PROB1: variants seen among roughly 807,000 people sequenced by gnomAD.
The protein encoded by PROB1 is proline-rich basic protein 1.
For missense variants in PROB1, 1,453 were observed against 1,485.7 expected (o/e 0.98, Z 0.36); for synonymous variants, 660 against 699.3 (o/e 0.94, Z 0.89).
Position 139,393,810 on chromosome 5 carries a change from C to T in PROB1, c.1272G>A (p.Arg424=). 6.4e-7 allele frequency: 1 copy of T among 1,551,418 alleles called. No homozygotes were observed. The highest frequency in any genetic ancestry group is 8.7e-7 in the Non-Finnish European group (1 of 1,146,964). ...NLSPWDRTTR[R]VSSPLFPEAS... is the part of the protein sequence containing the mutation. ...CTTCAGGGAACAATGGGCTACTCAC[C>T]CTCCGAGTAGTCCGATCCCACGGGG... Residue 424 remains arginine, a synonymous_variant, in exon 1 of 1, where the codon AGG becomes AGA. Coordinates refer to ENST00000434752, the MANE Select transcript of PROB1 (RefSeq NM_001161546.2).
At position 139,392,817 on chromosome 5, in the gene PROB1, G is replaced by T. The variant is rs1362411621; in HGVS notation, c.2265C>A (p.Gly755=). The change falls in exon 1 of 1, where the codon GGC becomes GGA. Residue 755 remains glycine (G), a synonymous_variant. Transcript: ENST00000434752. The surrounding 1 kb of genome is among the most constrained non-coding windows in gnomAD (Gnocchi z 5.8). ...CTACATCCCTGTTCTCTCCTCCAGG[G>T]CCGCGCGCTCGCACTCGCGAGGTTA... The part of the protein sequence containing the change: ...PEVTSRVRAR[G]PGGENRDVEA... 7 of 1,516,568 alleles carry T rather than the reference G, an allele frequency of 4.6e-6. No homozygotes were observed. The Admixed American group carries it at 1.3e-4, about 28-fold the overall frequency. 93.9% of individuals were successfully genotyped at this position (1,516,568 alleles called of 1,614,324 possible). A position where few individuals can be genotyped will look rare whatever the true frequency, so the allele number is the denominator to read the frequency against.
Position 139,393,239 on chromosome 5 carries a change from C to T in PROB1, c.1843G>A (p.Gly615Arg), listed in dbSNP as rs912228807. The T allele has an allele frequency of 6.5e-7, 1 of 1,549,144 alleles. No individual in the cohort carries two copies. The highest frequency in any genetic ancestry group is 2.0e-5 in the Admixed American group (1 of 51,004). ...CGCGGAATGGCCATGCGCGGGCGTC[C>T]CGAGGCCGCCTCTCCAGGACCCAAG... ...EVLGPGEAAS[G>R]RPRMAIPRPR... The change falls in exon 1 of 1, where the codon GGA becomes AGA. Residue 615 changes from glycine to arginine, a missense_variant. Coordinates refer to ENST00000434752, the MANE Select transcript of PROB1 (RefSeq NM_001161546.2).
In PROB1 at chr5:139,393,045, G is replaced by A. The variant is rs1043497933; in HGVS notation, c.2037C>T (p.Tyr679=). ...PALGPPAPAH[Y]TSVFIKDFLP... ...GAAAATCCTTGATGAAAACGGAAGTGTAGTGAGCCGGGGCGGGGGGCCCCA... is the reference window on the plus strand; with the variant it reads ...GAAAATCCTTGATGAAAACGGAAGTATAGTGAGCCGGGGCGGGGGGCCCCA... Residue 679 remains tyrosine, a synonymous_variant, in exon 1 of 1, where the codon TAC becomes TAT. Coordinates refer to ENST00000434752, the MANE Select transcript of PROB1 (RefSeq NM_001161546.2). The A allele has an allele frequency of 6.5e-7, 1 of 1,533,216 alleles. No homozygotes were observed. The highest frequency in any genetic ancestry group is 8.8e-7 in the Non-Finnish European group (1 of 1,138,220). 95.0% of individuals were successfully genotyped at this position (1,533,216 alleles called of 1,614,324 possible). A position where few individuals can be genotyped will look rare whatever the true frequency, so the allele number is the denominator to read the frequency against.
In PROB1 at chr5:139,393,321, G is replaced by A; in HGVS notation, c.1761C>T (p.Pro587=). Reference sequence around the variant, plus strand: ...CCACAGGGTGGCTGCCGGGCGGCTCGGGTGCTGCTACCTCTGGGGACTGCT... The same window carrying A: ...CCACAGGGTGGCTGCCGGGCGGCTCAGGTGCTGCTACCTCTGGGGACTGCT... ...GSQQSPEVAA[P]EPPGSHPVGT... Residue 587 remains proline (P), a synonymous_variant, in exon 1 of 1, where the codon CCC becomes CCT. Transcript: ENST00000434752. 1 of 1,550,904 alleles carries A rather than the reference G, an allele frequency of 6.4e-7. No individual in the cohort carries two copies. Among genetic ancestry groups the A allele is most frequent in the Non-Finnish European group, 8.7e-7 (1 of 1,146,992 alleles).
chr5:139,394,824 CGA>C lies in PROB1; in HGVS notation c.256_257del (p.Ser86GlyfsTer194), dbSNP rs1758667234. On this transcript the variant is annotated frameshift_variant, in exon 1 of 1. Transcript: ENST00000434752. LOFTEE classifies it low-confidence loss of function (END_TRUNC). ...CGGAACCTGGGCCTCGCGGGAAACC[CGA>C]GCCGGGCCCGTGCCGCTGGCGGCTA... ...QNSRQRHGPGSGFPRGPGSGP... is the reference protein window; with the variant it reads ...QNSRQRHGPGXGFPRGPGSGP... 6.5e-7 allele frequency: 1 copy of C among 1,529,850 alleles called. No homozygotes were observed. 94.8% of individuals were successfully genotyped at this position (1,529,850 alleles called of 1,614,324 possible).
chr5:139,395,027 T>C lies in PROB1; in HGVS notation c.55A>G (p.Thr19Ala). 1.4e-6 allele frequency: 2 copies of C among 1,440,872 alleles called. No individual in the cohort carries two copies. The highest frequency in any genetic ancestry group is 2.9e-5 in the South Asian group (2 of 69,478). 89.3% of individuals were successfully genotyped at this position (1,440,872 alleles called of 1,614,324 possible). A position where few individuals can be genotyped will look rare whatever the true frequency, so the allele number is the denominator to read the frequency against. ...ALPGIPRQLP[T>A]APARRQDSSG... ...GAGTCCTGGCGCCGCGCGGGGGCCG[T>C]GGGCAGCTGCCTCGGGATCCCAGGC... The change falls in exon 1 of 1, where the codon ACG (threonine) becomes GCG (alanine). Residue 19 changes from threonine (T) to alanine (A), a missense_variant. Physicochemically the swap from Thr to Ala is moderately conservative, Grantham distance 58. Transcript: ENST00000434752.
chr5:139,392,814 A>T lies in PROB1; in HGVS notation c.2268T>A (p.Pro756=). The T allele has an allele frequency of 6.6e-7, 1 of 1,515,074 alleles. No homozygotes were observed. Among genetic ancestry groups the T allele is most frequent in the Non-Finnish European group, 8.9e-7 (1 of 1,128,902 alleles). The allele number at this position is 1,515,074 out of a possible 1,614,324, so 93.9% of individuals were successfully genotyped here. A position where few individuals can be genotyped will look rare whatever the true frequency, so the allele number is the denominator to read the frequency against. ...EVTSRVRARG[P]GGENRDVEAQ... The stretch of plus-strand genomic sequence containing the variant: ...CCTCTACATCCCTGTTCTCTCCTCC[A>T]GGGCCGCGCGCTCGCACTCGCGAGG... The change falls in exon 1 of 1, where the codon CCT becomes CCA. Residue 756 remains proline (P), a synonymous_variant. Transcript: ENST00000434752. The surrounding 1 kb of genome is among the most constrained non-coding windows in gnomAD (Gnocchi z 5.8).
In PROB1 at chr5:139,393,711, G is replaced by A. The variant is rs1412610950; in HGVS notation, c.1371C>T (p.Ile457=). ...TVSRRSPSPP[I]LSQWNQCVAG... ...CAACACACTGATTCCACTGGGAAAGGATCGGAGGGGAAGGGCTTCTCCTGC... is the reference window on the plus strand; with the variant it reads ...CAACACACTGATTCCACTGGGAAAGAATCGGAGGGGAAGGGCTTCTCCTGC... The change falls in exon 1 of 1, where the codon ATC becomes ATT. Residue 457 remains isoleucine, a synonymous_variant. Transcript: ENST00000434752. 6 of 1,551,206 alleles carry A rather than the reference G, an allele frequency of 3.9e-6. No homozygotes were observed. In the East Asian group the frequency reaches 7.3e-5, roughly 19 times the overall value.
Position 139,394,203 on chromosome 5 carries a change from C to G in PROB1, c.879G>C (p.Glu293Asp), listed in dbSNP as rs1758650831. The change falls in exon 1 of 1, where the codon GAG (glutamate) becomes GAC (aspartate). Residue 293 changes from glutamate to aspartate, a missense_variant. By Grantham distance (45) the Glu-to-Asp change is conservative. Transcript: ENST00000434752. ...ETARSTHVVL[E>D]KAKSRPLRVR... ...CGCGAAGTGGCCGAGACTTAGCCTT[C>G]TCCAGGACCACGTGGGTGCTGCGGG... 2 of 1,548,792 alleles carry G rather than the reference C, an allele frequency of 1.3e-6. No individual in the cohort carries two copies. Among genetic ancestry groups the G allele is most frequent in the East Asian group, 4.9e-5 (2 of 40,846 alleles).
rs754746721 is a variant in PROB1 at position 139,393,667 on chromosome 5, G to C, written c.1415C>G (p.Ser472Cys). The C allele has an allele frequency of 3.2e-6, 5 of 1,550,828 alleles. No individual in the cohort carries two copies. Among genetic ancestry groups the C allele is most frequent in the Admixed American group, 3.9e-5 (2 of 50,986 alleles). ...NQCVAGERSP[S>C]LEAPSLWEIP... ...CTCCCACAGGGAAGGGGCTTCGAGG[G>C]ACGGGCTCCTTTCCCCAGCAACACA... Residue 472 changes from serine to cysteine, a missense_variant, in exon 1 of 1, where the codon TCC becomes TGC. Transcript: ENST00000434752.
rs1215681182 is a variant in PROB1, at chr5:139,395,104, T to A, written c.-23A>T. On this transcript the variant is annotated 5_prime_UTR_variant, in exon 1 of 1. Transcript: ENST00000434752. ...CATGGTGGGGCCGGACGCCGTGCACTATCTCCCTCGCATTCGCCTCCGCTG... is the reference window on the plus strand; with the variant it reads ...CATGGTGGGGCCGGACGCCGTGCACAATCTCCCTCGCATTCGCCTCCGCTG... 5 of 1,387,068 alleles carry A rather than the reference T, an allele frequency of 3.6e-6. No individual in the cohort carries two copies. The highest frequency in any genetic ancestry group is 3.1e-5 in the African/African-American group (2 of 64,930). The allele number at this position is 1,387,068 out of a possible 1,614,324, so 85.9% of individuals were successfully genotyped here.
rs1442319614 is a variant in PROB1 at position 139,393,591 on chromosome 5, G to A, written c.1491C>T (p.Ser497=). 6.4e-7 allele frequency: 1 copy of A among 1,550,888 alleles called. No individual in the cohort carries two copies. Among genetic ancestry groups the A allele is most frequent in the East Asian group, 2.4e-5 (1 of 40,916 alleles). Residue 497 remains serine (S), a synonymous_variant, in exon 1 of 1, where the codon TCC becomes TCT. Transcript: ENST00000434752. ...CCTCCCACGGGAAGAAGGCCGGCGGGGACGGGCTGCTACGTGGCTCCACCG... is the reference window on the plus strand; with the variant it reads ...CCTCCCACGGGAAGAAGGCCGGCGGAGACGGGCTGCTACGTGGCTCCACCG... ...ADAVEPRSSP[S]PPAFFPWEAP... is the part of the protein sequence containing the mutation.
rs776415258 is a variant in PROB1 at position 139,394,975 on chromosome 5, G to T, written c.107C>A (p.Thr36Lys). 6.6e-7 allele frequency: 1 copy of T among 1,515,002 alleles called. No homozygotes were observed. The highest frequency in any genetic ancestry group is 1.2e-5 in the South Asian group (1 of 80,564). The allele number at this position is 1,515,002 out of a possible 1,614,324, so 93.8% of individuals were successfully genotyped here. The change falls in exon 1 of 1, where the codon ACG (threonine) becomes AAG (lysine). Residue 36 changes from threonine (T) to lysine (K), a missense_variant. Coordinates refer to ENST00000434752, the MANE Select transcript of PROB1 (RefSeq NM_001161546.2). ...DSSGSSGSYYTAPGSPEPPDV... is the reference protein window; with the variant it reads ...DSSGSSGSYYKAPGSPEPPDV... Reference sequence around the variant, plus strand: ...CGGGGGCTCCGGAGAACCTGGAGCCGTGTAGTAGGAGCCTGACGAACCGGA... The same window carrying T: ...CGGGGGCTCCGGAGAACCTGGAGCCTTGTAGTAGGAGCCTGACGAACCGGA...
At position 139,392,795 on chromosome 5, in the gene PROB1, C is replaced by A; in HGVS notation, c.2287G>T (p.Val763Leu). 1 of 1,469,780 alleles carries A rather than the reference C, an allele frequency of 6.8e-7. No homozygotes were observed. Among genetic ancestry groups the A allele is most frequent in the Non-Finnish European group, 9.0e-7 (1 of 1,107,376 alleles). The allele number at this position is 1,469,780 out of a possible 1,614,324, so 91.0% of individuals were successfully genotyped here. A position where few individuals can be genotyped will look rare whatever the true frequency, so the allele number is the denominator to read the frequency against. Reference protein sequence around the residue: ...ARGPGGENRDVEAQRLVPDGD... With the variant: ...ARGPGGENRDLEAQRLVPDGD... Reference sequence around the variant, plus strand: ...TCGGGGACCAGGCGCTGGGCCTCTACATCCCTGTTCTCTCCTCCAGGGCCG... The same window carrying A: ...TCGGGGACCAGGCGCTGGGCCTCTAAATCCCTGTTCTCTCCTCCAGGGCCG... Residue 763 changes from valine to leucine, a missense_variant, in exon 1 of 1, where the codon GTA (valine) becomes TTA (leucine). Physicochemically the swap from Val to Leu is conservative, Grantham distance 32 (BLOSUM62 1). Coordinates refer to ENST00000434752, the MANE Select transcript of PROB1 (RefSeq NM_001161546.2). This position sits in a 1 kb window ranked among gnomAD's most constrained non-coding sequence, Gnocchi z 5.8.
In PROB1 at chr5:139,395,063, G is replaced by C; in HGVS notation, c.19C>G (p.Pro7Ala). Residue 7 changes from proline (P) to alanine (A), a missense_variant, in exon 1 of 1, where the codon CCG becomes GCG. Transcript: ENST00000434752. The stretch of plus-strand genomic sequence containing the variant: ...CTCGGGATCCCAGGCAGGGCTGGCG[G>C]GGCGAGCGCGGTCAGCATGGTGGGG... MLTALAPPALPGIPRQL... is the reference protein window; with the variant it reads MLTALAAPALPGIPRQL... 1 of 1,411,124 alleles carries C rather than the reference G, an allele frequency of 7.1e-7. No homozygotes were observed. Among genetic ancestry groups the C allele is most frequent in the South Asian group, 1.6e-5 (1 of 64,188 alleles). 87.4% of individuals were successfully genotyped at this position (1,411,124 alleles called of 1,614,324 possible).
Position 139,394,089 on chromosome 5 carries a change from C to G in PROB1, c.993G>C (p.Gly331=). 6.4e-7 allele frequency: 1 copy of G among 1,550,660 alleles called. No homozygotes were observed. The highest frequency in any genetic ancestry group is 8.7e-7 in the Non-Finnish European group (1 of 1,146,740). The change falls in exon 1 of 1, where the codon GGG becomes GGC. Residue 331 remains glycine (G), a synonymous_variant. Transcript: ENST00000434752. ...AACTAACAGGACCCAGCGGCTCCGTCCCGGGCGCAGGCTTGTCGCGCCGAA... is the reference window on the plus strand; with the variant it reads ...AACTAACAGGACCCAGCGGCTCCGTGCCGGGCGCAGGCTTGTCGCGCCGAA... The part of the protein sequence containing the change: ...RAIRRDKPAP[G]TEPLGPVSSS...
Position 139,392,072 on chromosome 5 carries a change from G to C in PROB1, c.3010C>G (p.Pro1004Ala). Residue 1004 changes from proline to alanine, a missense_variant, in exon 1 of 1, where the codon CCC becomes GCC. By Grantham distance (27) the Pro-to-Ala change is conservative. Transcript: ENST00000434752. This position sits in a 1 kb window ranked among gnomAD's most constrained non-coding sequence, Gnocchi z 5.8. ...AATGAACCCTTGCCGGGCTGGGTGG[G>C]ACCTGAGCTGGAGGGCGGCGCACAG... is the stretch of plus-strand genomic sequence containing the variant. ...LLCAPPSSSGPTQPGKGSLFP... is the reference protein window; with the variant it reads ...LLCAPPSSSGATQPGKGSLFP... 7.1e-7 allele frequency: 1 copy of C among 1,408,960 alleles called. No homozygotes were observed. The highest frequency in any genetic ancestry group is 1.6e-5 in the South Asian group (1 of 62,596). 87.3% of individuals were successfully genotyped at this position (1,408,960 alleles called of 1,614,324 possible). A position where few individuals can be genotyped will look rare whatever the true frequency, so the allele number is the denominator to read the frequency against.
chr5:139,391,872 C>T lies in PROB1; in HGVS notation c.*162G>A. The stretch of plus-strand genomic sequence containing the variant: ...TCCTGGGTGACTCCAGCTCCACCAG[C>T]CTCGGGGCTCAGATTCATTCTCTGA... On this transcript the variant is annotated 3_prime_UTR_variant, in exon 1 of 1. Coordinates refer to ENST00000434752, the MANE Select transcript of PROB1 (RefSeq NM_001161546.2). The surrounding 1 kb of genome is among the most constrained non-coding windows in gnomAD (Gnocchi z 4.8). 1.7e-6 allele frequency: 1 copy of T among 575,434 alleles called. No homozygotes were observed. The highest frequency in any genetic ancestry group is 1.9e-5 in the African/African-American group (1 of 51,818). 35.6% of individuals were successfully genotyped at this position (575,434 alleles called of 1,614,324 possible).
Position 139,393,176 on chromosome 5 carries a change from C to T in PROB1, c.1906G>A (p.Ala636Thr). Reference protein sequence around the residue: ...DVRKLVKTTYAPGFPAGAQGS... With the variant: ...DVRKLVKTTYTPGFPAGAQGS... ...TGTGCTCCTGCCGGGAAGCCTGGCGCGTACGTGGTCTTCACCAACTTGCGC... is the reference window on the plus strand; with the variant it reads ...TGTGCTCCTGCCGGGAAGCCTGGCGTGTACGTGGTCTTCACCAACTTGCGC... The change falls in exon 1 of 1, where the codon GCG (alanine) becomes ACG (threonine). Residue 636 changes from alanine to threonine, a missense_variant. Transcript: ENST00000434752. 6.5e-7 allele frequency: 1 copy of T among 1,549,094 alleles called. No individual in the cohort carries two copies. The highest frequency in any genetic ancestry group is 1.2e-5 in the South Asian group (1 of 83,934).
Sources: allele counts gnomAD v4.1 joint callset, GRCh38; gene constraint gnomAD v4.1.1; non-coding constraint Gnocchi (gnomAD v3.1); transcripts MANE v1.5; gene names NCBI Gene and HGNC (gene_info 2026-07-23, HGNC 2026-07-21).